The following BABAM2 variants were observed in gnomAD, a reference collection of about 807,000 sequenced individuals.
The protein encoded by BABAM2 is BRISC and BRCA1 A complex member 2.
A neutral mutation model predicts 54.7 loss-of-function variants in BABAM2; 31 were observed. That is an observed-to-expected ratio of 0.57 (90% CI 0.43 to 0.77). The LOEUF is 0.77. Ranked by LOEUF, BABAM2 falls within the 30% of genes least tolerant of loss-of-function variation. The pLI is 0.00. For missense variants in BABAM2, 364 were observed against 455.8 expected, an observed-to-expected ratio of 0.80 and a Z score of 1.83; for synonymous variants, 167 against 162.9, an observed-to-expected ratio of 1.03 and a Z score of -0.19.
At chr2:27,954,133 C>T (rs1669929152) in intron 3 of BABAM2, among the ~76,000 whole-genome samples, 1 of 152,194 alleles carries the variant, frequency 6.6e-6, no homozygotes, top group South Asian at 2.1e-4. Context: ...AGAAAAGTTA[C>T]AACTCATTTC....
chr2:28,191,031 C>T (rs1207694462), intron 7 of BABAM2, among the ~76,000 whole-genome samples: 1 of 152,120 alleles, frequency 6.6e-6, no homozygotes, highest in Non-Finnish European at 1.5e-5. Flanking sequence ...AGCCAACAAA[C>T]CCAAAGAGGA....
chr2:28,222,852 G>A (rs916315870), intron 7 of BABAM2, among the ~76,000 whole-genome samples: 5 of 152,142 alleles, frequency 3.3e-5, no homozygotes, highest in Admixed American at 6.5e-5. Flanking sequence ...GTTATCAGGC[G>A]CCTCAGTACA....
At chr2:28,020,938 C>G (rs1366567695) in intron 4 of BABAM2, among the ~76,000 whole-genome samples, 1 of 123,508 alleles carries the variant, frequency 8.1e-6, no homozygotes, top group African/African-American at 3.0e-5. Flanking sequence ...ATTTCTAAGA[C>G]TCTCTGTCTC....
intron 11 of BABAM2, among the ~76,000 whole-genome samples, chr2:28,338,193 C>T (rs1020193904): frequency 6.6e-6 from 1 of 152,180 alleles, no homozygotes; most frequent in Admixed American, 6.5e-5. Context: ...GTGCAGATAT[C>T]TCATAGGAAT....
At chr2:27,935,755 C>A (rs1453662426) in intron 3 of BABAM2, among the ~76,000 whole-genome samples, 1 of 152,150 alleles carries the variant, frequency 6.6e-6, no homozygotes, top group Non-Finnish European at 1.5e-5. Flanking sequence ...AAGAAATTGC[C>A]ATAGCCATGC....
At chr2:28,013,459 C>T (rs932239505) in intron 4 of BABAM2, 2 of 447,850 alleles carry the variant, frequency 4.5e-6, no homozygotes, top group Non-Finnish European at 8.9e-6. Context: ...TGAGTCTTAC[C>T]AGTCCTATCA....
intron 10 of BABAM2, among the ~76,000 whole-genome samples, chr2:28,257,282 A>T (rs1449504150): frequency 1.3e-5 from 2 of 152,190 alleles, no homozygotes; most frequent in African/African-American, 4.8e-5. Context: ...GCATAGATCT[A>T]GCCCCACCAT....
At chr2:28,084,472 A>G (rs2148678924) in intron 6 of BABAM2, among the ~76,000 whole-genome samples, 1 of 152,322 alleles carries the variant, frequency 6.6e-6, no homozygotes, top group Middle Eastern at 3.4e-3. Context: ...GTTTGAAAGC[A>G]GAACTTGGAT....
chr2:28,261,479 G>A (rs1037029361), intron 10 of BABAM2, among the ~76,000 whole-genome samples: 10 of 151,830 alleles, frequency 6.6e-5, no homozygotes, highest in South Asian at 2.1e-4. Flanking sequence ...ACAGGCGCCC[G>A]CCACCACACC....
Position 28,322,750 on chromosome 2 carries a change from C to T in BABAM2, c.1089-15700C>T, listed in dbSNP as rs761725472. The stretch of plus-strand genomic sequence containing the variant: ...GGGAGACCCCCAGCATGTTGCAGGC[C>T]CAGGAAAGCACCCTTCACCTGCAGA... On this transcript the variant is annotated intron_variant, in intron 11 of 11. Coordinates refer to ENST00000379624, the MANE Select transcript of BABAM2 (RefSeq NM_199191.3). This position sits in a 1 kb window ranked among gnomAD's most constrained non-coding sequence, Gnocchi z 4.1. Among the ~76,000 whole-genome samples the T allele has an allele frequency of 6.6e-6, 1 of 152,220 alleles. No individual in the cohort carries two copies. Among genetic ancestry groups the T allele is most frequent in the Non-Finnish European group, 1.5e-5 (1 of 68,036 alleles).
chr2:27,951,320 A>G (rs1669703872), intron 3 of BABAM2, among the ~76,000 whole-genome samples: 2 of 151,982 alleles, frequency 1.3e-5, no homozygotes, highest in Non-Finnish European at 2.9e-5. Context: ...TATCCTACAA[A>G]TTTTGCTGTG....
chr2:28,290,081 T>C (rs1687165526), intron 10 of BABAM2, among the ~76,000 whole-genome samples: 1 of 152,260 alleles, frequency 6.6e-6, no homozygotes, highest in Non-Finnish European at 1.5e-5. Context: ...AAGTATATAC[T>C]GAACAGTGTT....
At position 28,199,682 on chromosome 2, in the gene BABAM2, G is replaced by A. The variant is rs560468428; in HGVS notation, c.681-37520G>A. ...CTTTAGTTGGCAGTAAGGCAAGTGA[G>A]GAACAGAAAACGAACTTCTGTGGTG... On this transcript the variant is annotated intron_variant, in intron 7 of 11. Coordinates refer to ENST00000379624, the MANE Select transcript of BABAM2 (RefSeq NM_199191.3). Among the ~76,000 whole-genome samples the A allele has an allele frequency of 5.9e-5, 9 of 152,334 alleles. No homozygotes were observed. In the South Asian group the frequency reaches 1.5e-3, roughly 25 times the overall value.
intron 10 of BABAM2, among the ~76,000 whole-genome samples, chr2:28,257,916 C>G (rs1370977674): frequency 6.6e-6 from 1 of 151,978 alleles, no homozygotes; most frequent in East Asian, 1.9e-4. Flanking sequence ...GTGGCTCACG[C>G]CTGCAATCCC....
At chr2:28,313,943 G>A (rs1272195591) in intron 11 of BABAM2, among the ~76,000 whole-genome samples, 1 of 152,174 alleles carries the variant, frequency 6.6e-6, no homozygotes, top group Non-Finnish European at 1.5e-5. Context: ...AAGCTATGTA[G>A]TTCTTCTAAC....
At chr2:27,892,544 G>C (rs1306801489) in intron 1 of BABAM2, 1 of 152,088 alleles carries the variant, frequency 6.6e-6, no homozygotes. Context: ...TAGACATGAA[G>C]GTGGAAATGT....
At chr2:27,999,303 A>C (rs1370627430) in intron 4 of BABAM2, among the ~76,000 whole-genome samples, 1 of 151,976 alleles carries the variant, frequency 6.6e-6, no homozygotes, top group Non-Finnish European at 1.5e-5. Flanking sequence ...TGGAAGAAGA[A>C]GGGTTCTAGC....
At chr2:28,193,585 T>C (rs764042361) in intron 7 of BABAM2, among the ~76,000 whole-genome samples, 4 of 152,238 alleles carry the variant, frequency 2.6e-5, no homozygotes, top group Admixed American at 6.5e-5. Flanking sequence ...GGAGTTGTTA[T>C]TTCTGTTGTT....
At chr2:28,306,758 G>A (rs924541175) in intron 11 of BABAM2, among the ~76,000 whole-genome samples, 1 of 151,558 alleles carries the variant, frequency 6.6e-6, no homozygotes, top group African/African-American at 2.4e-5. Flanking sequence ...GTGCAGTGGT[G>A]TGACCTCGGC....
Sources: gnomAD v4.1 joint callset for allele counts (sites outside exome capture counted in the v4.1 genomes callset) on GRCh38, gnomAD v4.1.1 for gene constraint, Gnocchi (gnomAD v3.1) non-coding constraint, MANE v1.5 for transcripts, NCBI Gene and HGNC (gene_info 2026-07-23, HGNC 2026-07-21) for gene names.